The following PTPN1 variants were observed in gnomAD, a reference collection of about 807,000 sequenced individuals.
The protein encoded by PTPN1 is tyrosine-protein phosphatase non-receptor type 1.
Under a neutral mutation model 59.9 loss-of-function variants are expected in PTPN1, and 12 were observed. That is an observed-to-expected ratio of 0.20 (90% CI 0.13 to 0.32). The LOEUF (loss-of-function observed/expected upper bound fraction) is 0.32, where lower values mean the gene tolerates loss of function less well. PTPN1 is among the 10% of genes least tolerant of loss of function. PTPN1 has a pLI of 1.00. For missense variants in PTPN1, 356 were observed against 549.2 expected (o/e 0.65, Z 3.52); for synonymous variants, 178 against 203.6 (o/e 0.87, Z 1.07).
intron 1 of PTPN1, among the ~76,000 whole-genome samples, chr20:50,547,658 G>A (rs979092030): frequency 6.6e-6 from 1 of 152,138 alleles, no homozygotes; most frequent in African/African-American, 2.4e-5. Context: ...CACTGCACCC[G>A]GCCGTGTTAA....
Position 50,574,610 on chromosome 20 carries a change from A to G in PTPN1, c.448A>G (p.Lys150Glu). The stretch of plus-strand genomic sequence containing the variant: ...ATTAACATTGATCTCTGAAGATATC[A>G]AGTCATATTATACAGTGCGACAGCT... ...LKLTLISEDI[K>E]SYYTVRQLEL... Residue 150 changes from lysine to glutamate, a missense_variant, in exon 5 of 10, where the codon AAG becomes GAG. Physicochemically the swap from Lys to Glu is moderately conservative, Grantham distance 56 (BLOSUM62 1). Transcript: ENST00000371621. 6.2e-7 allele frequency: 1 copy of G among 1,608,436 alleles called. No individual in the cohort carries two copies. Among genetic ancestry groups the G allele is most frequent in the Non-Finnish European group, 8.5e-7 (1 of 1,178,280 alleles).
intron 5 of PTPN1, 33 bp downstream of exon 5, chr20:50,574,687 G>A (rs59132941): frequency 0.014 from 22,782 of 1,577,002 alleles, 289 homozygotes; most frequent in African/African-American, 0.062. Flanking sequence ...CACTTCAGGC[G>A]GCTACTGGTT....
chr20:50,510,563 G>T lies in PTPN1; in HGVS notation c.36G>T (p.Lys12Asn). The change falls in exon 1 of 10, where the codon AAG (lysine) becomes AAT (asparagine). Residue 12 changes from lysine (K) to asparagine (N), a missense_variant. This residue lies in a region of PTPN1 where 194 missense variants were observed against 344.2 expected (regional missense o/e 0.56). Coordinates refer to ENST00000371621, the MANE Select transcript of PTPN1 (RefSeq NM_002827.4). ...AAAAGGAGTTCGAGCAGATCGACAA[G>T]TCCGGGAGCTGGGCGGCCATTTACC... ...EMEKEFEQIDKSGSWAAIYQD... is the reference protein window; with the variant it reads ...EMEKEFEQIDNSGSWAAIYQD... The T allele has an allele frequency of 1.3e-6, 2 of 1,551,074 alleles. No individual in the cohort carries two copies.
At chr20:50,566,843 T>C (rs118129525) in intron 3 of PTPN1, among the ~76,000 whole-genome samples, 7,663 of 152,048 alleles carry the variant, frequency 0.05, 274 homozygotes, top group Non-Finnish European at 0.076. Context: ...AAGGGAGTAG[T>C]GGAGAGCTGC....
intron 1 of PTPN1, among the ~76,000 whole-genome samples, chr20:50,547,112 T>C (rs1306920192): frequency 3.9e-5 from 6 of 152,256 alleles, no homozygotes; most frequent in Non-Finnish European, 7.3e-5. Context: ...TTCTGCCTAT[T>C]GATTTCTACC....
At chr20:50,512,944 C>T (rs1457366646) in intron 1 of PTPN1, among the ~76,000 whole-genome samples, 3 of 152,176 alleles carry the variant, frequency 2.0e-5, no homozygotes, top group Non-Finnish European at 4.4e-5. Flanking sequence ...TTGAGCTTGC[C>T]TAGCCTATTG....
At chr20:50,581,078 A>G (rs1161289179) in intron 8 of PTPN1, among the ~76,000 whole-genome samples, 187 bp from the exon 9 acceptor site, 1 of 152,154 alleles carries the variant, frequency 6.6e-6, no homozygotes, top group African/African-American at 2.4e-5. Context: ...AGTGGACTTC[A>G]GGCTGATGTG....
chr20:50,541,623 T>A (rs76214947), intron 1 of PTPN1, among the ~76,000 whole-genome samples: 1 of 152,116 alleles, frequency 6.6e-6, no homozygotes, highest in Non-Finnish European at 1.5e-5. Context: ...GCTTCCTCTC[T>A]CCTTTCTGAC....
At chr20:50,551,996 A>G (rs1198560933) in intron 1 of PTPN1, among the ~76,000 whole-genome samples, 13 of 152,200 alleles carry the variant, frequency 8.5e-5, no homozygotes, top group Admixed American at 2.0e-4. Context: ...TAGCATAATA[A>G]AAGATCTTCT....
chr20:50,518,216 G>A (rs1568772574), intron 1 of PTPN1, among the ~76,000 whole-genome samples: 1 of 152,060 alleles, frequency 6.6e-6, no homozygotes, highest in Non-Finnish European at 1.5e-5. Flanking sequence ...GATGGGCCCC[G>A]GTTACAGGAT....
chr20:50,540,711 G>C (rs1601397434), intron 1 of PTPN1, among the ~76,000 whole-genome samples: 1 of 152,322 alleles, frequency 6.6e-6, no homozygotes, highest in Non-Finnish European at 1.5e-5. Context: ...GTTCAGCAGA[G>C]GTGCCCATCA....
chr20:50,536,389 A>G (rs2082624292), intron 1 of PTPN1, among the ~76,000 whole-genome samples: 1 of 152,206 alleles, frequency 6.6e-6, no homozygotes, highest in African/African-American at 2.4e-5. Context: ...TTATAAGAGG[A>G]AGACCAACCT....
rs570155941 is a variant in PTPN1 at position 50,510,426 on chromosome 20, C to T, written c.-102C>T. 2.0e-5 allele frequency: 26 copies of T among 1,314,144 alleles called. No homozygotes were observed. The highest frequency in any genetic ancestry group is 2.8e-5 in the East Asian group (1 of 35,528). 81.4% of individuals were successfully genotyped at this position (1,314,144 alleles called of 1,614,324 possible). A position where few individuals can be genotyped will look rare whatever the true frequency, so the allele number is the denominator to read the frequency against. On this transcript the variant is annotated 5_prime_UTR_variant, in exon 1 of 10. Transcript: ENST00000371621. ...CTAGGGCGGCGGTAGCTGCAGGGGT[C>T]GGGGATTGCAGCGGGCCTCGGGGCT...
Position 50,568,170 on chromosome 20 carries a change from G to A in PTPN1, c.256-210G>A, listed in dbSNP as rs376548907. 1.3e-5 allele frequency among the ~76,000 whole-genome samples: 2 copies of A among 152,220 alleles called. No individual in the cohort carries two copies. Among genetic ancestry groups the A allele is most frequent in the Non-Finnish European group, 2.9e-5 (2 of 68,044 alleles). ...TTGGCCCAGCCCTGAACTGAGATGC[G>A]GAAATCGCCTTTCGCTGCCTGGTAG... is the stretch of plus-strand genomic sequence containing the variant. On this transcript the variant is annotated intron_variant, in intron 3 of 9. Transcript: ENST00000371621. The surrounding 1 kb of genome is among the most constrained non-coding windows in gnomAD (Gnocchi z 5.6).
At chr20:50,560,468 A>C (rs1236681169) in intron 1 of PTPN1, among the ~76,000 whole-genome samples, 1 of 151,868 alleles carries the variant, frequency 6.6e-6, no homozygotes, top group African/African-American at 2.4e-5. Flanking sequence ...CTGGAGTGGA[A>C]ATCTCGGGCG....
intron 1 of PTPN1, among the ~76,000 whole-genome samples, chr20:50,536,467 A>C (rs2082624605): frequency 6.6e-6 from 1 of 152,202 alleles, no homozygotes; most frequent in South Asian, 2.1e-4. Flanking sequence ...AAAAGATGCA[A>C]TGCAAGTGTT....
chr20:50,535,229 T>A (rs1234919102), intron 1 of PTPN1, among the ~76,000 whole-genome samples: 3 of 152,192 alleles, frequency 2.0e-5, no homozygotes, highest in Admixed American at 2.0e-4. Context: ...GATGAGGGTG[T>A]TACCTCCAGA....
At chr20:50,575,212 T>C (rs1044607778) in intron 5 of PTPN1, among the ~76,000 whole-genome samples, 19 of 152,362 alleles carry the variant, frequency 1.2e-4, no homozygotes, top group African/African-American at 4.6e-4. Context: ...CCTGGGGCTT[T>C]GGAATAATTC....
chr20:50,525,484 G>A (rs1263453803), intron 1 of PTPN1, among the ~76,000 whole-genome samples: 2 of 152,190 alleles, frequency 1.3e-5, no homozygotes, highest in Non-Finnish European at 2.9e-5. Flanking sequence ...CAGTCTCTCT[G>A]CCATATATGC....
Sources: allele counts gnomAD v4.1 joint callset (sites outside exome capture counted in the v4.1 genomes callset), GRCh38; gene constraint gnomAD v4.1.1; regional missense constraint gnomAD v4.1.1; non-coding constraint Gnocchi (gnomAD v3.1); transcripts MANE v1.5; gene names NCBI Gene and HGNC (gene_info 2026-07-23, HGNC 2026-07-21).